Variants in DCC observed in about 807,000 individuals in gnomAD.
DCC encodes the protein DCC netrin 1 receptor.
Under a neutral mutation model 172.5 loss-of-function variants are expected in DCC, and 58 were observed. The observed-to-expected ratio is 0.34, with a 90% CI of 0.27 to 0.42. The LOEUF (loss-of-function observed/expected upper bound fraction) is 0.42, where lower values mean the gene tolerates loss of function less well. DCC is among the 10% of genes least tolerant of loss of function. The probability of loss-of-function intolerance (pLI) is 1.00; values close to 1 mark genes in which losing one functional copy is unlikely to be tolerated. For missense variants in DCC, 1,740 were observed against 1,791.0 expected (o/e 0.97, Z 0.51); for synonymous variants, 709 against 644.5 (o/e 1.10, Z -1.52).
At chr18:53,090,578 C>T (rs2042988119) in intron 7 of DCC, among the ~76,000 whole-genome samples, 1 of 150,698 alleles carries the variant, frequency 6.6e-6, no homozygotes, top group Non-Finnish European at 1.5e-5. Flanking sequence ...CCTGTGGTCC[C>T]AGCCACTCGG....
At chr18:53,166,583 G>C (rs934535300) in intron 8 of DCC, among the ~76,000 whole-genome samples, 25 of 152,108 alleles carry the variant, frequency 1.6e-4, no homozygotes, top group African/African-American at 5.8e-4. Flanking sequence ...CCAAGATATA[G>C]CTCATTATTT....
intron 2 of DCC, among the ~76,000 whole-genome samples, chr18:52,785,082 T>C (rs1326151380): frequency 3.3e-5 from 5 of 152,120 alleles, no homozygotes; most frequent in Non-Finnish European, 5.9e-5. Context: ...GAGGTTTACA[T>C]AGTGCACAGG....
intron 5 of DCC, among the ~76,000 whole-genome samples, chr18:52,935,167 G>T (rs1057446589): frequency 5.3e-5 from 8 of 150,246 alleles, no homozygotes; most frequent in African/African-American, 2.0e-4. Context: ...AGATTTCTAG[G>T]AGTGTAAAAA....
chr18:52,956,273 C>T (rs930803449), intron 5 of DCC, among the ~76,000 whole-genome samples: 1 of 151,738 alleles, frequency 6.6e-6, no homozygotes, highest in Non-Finnish European at 1.5e-5. Context: ...TTTTTTTTTA[C>T]ATGTAGATAT....
At chr18:53,244,694 G>A (rs1163566285) in intron 12 of DCC, among the ~76,000 whole-genome samples, 1 of 151,982 alleles carries the variant, frequency 6.6e-6, no homozygotes, top group Admixed American at 6.6e-5. Context: ...CTCACAATAT[G>A]GCAGCTGGAT....
intron 12 of DCC, among the ~76,000 whole-genome samples, chr18:53,260,804 G>T (rs1253763132): frequency 1.3e-5 from 2 of 152,138 alleles, no homozygotes; most frequent in Non-Finnish European, 2.9e-5. Context: ...CTCAGAGGTG[G>T]AGTCTACAGA....
chr18:53,128,864 CACACACATATATATATAT>C (rs1226942820), intron 7 of DCC, among the ~76,000 whole-genome samples: 65 of 72,120 alleles, frequency 9.0e-4, no homozygotes, highest in African/African-American at 4.2e-3. Flanking sequence ...CACACACACA[CACACACATATATATATAT>C]ATATATATAT....
At chr18:53,507,541 G>A (rs756074082) in intron 27 of DCC, among the ~76,000 whole-genome samples, 2 of 152,144 alleles carry the variant, frequency 1.3e-5, no homozygotes, top group Non-Finnish European at 2.9e-5. Flanking sequence ...GCTTGCAGGA[G>A]GACTGATGTT....
At chr18:52,738,843 A>G (rs559670586) in intron 1 of DCC, among the ~76,000 whole-genome samples, 1 of 148,824 alleles carries the variant, frequency 6.7e-6, no homozygotes, top group African/African-American at 2.5e-5. Context: ...GGGCTCAAGC[A>G]GTCTTCCTGT....
At chr18:53,120,768 A>G (rs1415890249) in intron 7 of DCC, among the ~76,000 whole-genome samples, 1 of 151,874 alleles carries the variant, frequency 6.6e-6, no homozygotes, top group African/African-American at 2.4e-5. Flanking sequence ...TTTCTAATCA[A>G]TACTAATTTT....
intron 5 of DCC, among the ~76,000 whole-genome samples, chr18:53,047,425 T>TTATATATATATA (rs1362229121): frequency 6.3e-5 from 3 of 47,576 alleles, no homozygotes; most frequent in African/African-American, 1.5e-4. Context: ...ATTATATATT[T>TTATATATATATA]TACATATATA....
intron 23 of DCC, among the ~76,000 whole-genome samples, chr18:53,455,030 G>T (rs2145157869): frequency 6.6e-6 from 1 of 152,304 alleles, no homozygotes; most frequent in Middle Eastern, 3.4e-3. Context: ...GGGGCTAGAA[G>T]CCTTTGGAAA....
intron 1 of DCC, among the ~76,000 whole-genome samples, chr18:52,522,308 A>G (rs532581417): frequency 1.1e-4 from 17 of 152,122 alleles, no homozygotes; most frequent in Admixed American, 7.2e-4. Flanking sequence ...ATTCCATGGA[A>G]ATTATGGACA....
At position 53,416,412 on chromosome 18, in the gene DCC, T is replaced by A. The variant is rs1910313949; in HGVS notation, c.3163+256T>A. 1.9e-5 allele frequency: 12 copies of A among 639,756 alleles called. No individual in the cohort carries two copies. In the East Asian group the frequency reaches 3.5e-4, roughly 18 times the overall value. The allele number at this position is 639,756 out of a possible 1,614,324, so 39.6% of individuals were successfully genotyped here. Reference sequence around the variant, plus strand: ...CCAATTAAAATGTCAAGCTTCTTTGTATGAAATAAATTTTTAGTCTCTGTC... The same window carrying A: ...CCAATTAAAATGTCAAGCTTCTTTGAATGAAATAAATTTTTAGTCTCTGTC... On this transcript the variant is annotated intron_variant, in intron 21 of 28. Transcript: ENST00000442544.
At chr18:52,499,006 ATCT>A (rs2030914657) in intron 1 of DCC, among the ~76,000 whole-genome samples, 1 of 152,136 alleles carries the variant, frequency 6.6e-6, no homozygotes, top group Non-Finnish European at 1.5e-5. Flanking sequence ...TCTCTCTGAC[ATCT>A]TCTCTGACCG....
At chr18:53,145,365 G>A (rs1335446624) in intron 7 of DCC, among the ~76,000 whole-genome samples, 2 of 151,956 alleles carry the variant, frequency 1.3e-5, no homozygotes, top group African/African-American at 4.8e-5. Context: ...CGCCCGCCTC[G>A]GCCTCCCGAA....
intron 9 of DCC, among the ~76,000 whole-genome samples, chr18:53,204,761 T>C (rs1417492797): frequency 6.6e-6 from 1 of 152,190 alleles, no homozygotes; most frequent in Non-Finnish European, 1.5e-5. Context: ...GACAATGTGG[T>C]AAATTATCCA....
At chr18:52,440,687 A>G (rs186554914) in intron 1 of DCC, among the ~76,000 whole-genome samples, 13 of 152,354 alleles carry the variant, frequency 8.5e-5, no homozygotes, top group Admixed American at 4.6e-4. Flanking sequence ...CACTGTTAGA[A>G]GAACATTAAC....
intron 1 of DCC, among the ~76,000 whole-genome samples, chr18:52,373,336 C>A (rs2048581841): frequency 6.6e-6 from 1 of 152,104 alleles, no homozygotes; most frequent in Admixed American, 6.5e-5. Context: ...TCTCTATGTT[C>A]TATGCTGTTC....
Sources: allele counts gnomAD v4.1 joint callset (sites outside exome capture counted in the v4.1 genomes callset), GRCh38; gene constraint gnomAD v4.1.1; transcripts MANE v1.5; gene names NCBI Gene and HGNC (gene_info 2026-07-23, HGNC 2026-07-21).